The following NT5DC3 variants were observed in gnomAD, a reference collection of about 807,000 sequenced individuals.
The protein encoded by NT5DC3 is 5'-nucleotidase domain-containing protein 3.
A neutral mutation model predicts 67.8 loss-of-function variants in NT5DC3; 42 were observed. The ratio of observed to expected loss-of-function variants is 0.62; its 90% CI spans 0.48 to 0.80. NT5DC3 has a LOEUF of 0.80. Among genes scored for constraint, NT5DC3 ranks in the 30% least tolerant of loss-of-function variants. The pLI is 0.00. For synonymous variants in NT5DC3, 237 were observed against 255.6 expected (o/e 0.93, Z 0.69); for missense variants, 570 against 696.4 (o/e 0.82, Z 2.04).
chr12:103,840,412 T>C (rs1888349946), intron 1 of NT5DC3, among the ~76,000 whole-genome samples: 1 of 146,240 alleles, frequency 6.8e-6, no homozygotes, highest in African/African-American at 2.5e-5. Flanking sequence ...TCTCATCTCA[T>C]CTCATCTCAT....
chr12:103,839,554 T>C (rs1366581665), intron 1 of NT5DC3, among the ~76,000 whole-genome samples: 1 of 152,140 alleles, frequency 6.6e-6, no homozygotes, highest in East Asian at 1.9e-4. Context: ...TATTAATTCT[T>C]AAACTGCATG....
At chr12:103,782,365 C>T (rs1226640317) in intron 12 of NT5DC3, among the ~76,000 whole-genome samples, 1 of 140,520 alleles carries the variant, frequency 7.1e-6, no homozygotes, top group African/African-American at 2.5e-5. Context: ...GAGACTGCCT[C>T]AAAAGAAAAA....
At chr12:103,755,640 T>C in the NT5DC3 span, 10 of 1,614,148 alleles carry the variant, frequency 6.2e-6, no homozygotes, top group Non-Finnish European at 8.5e-6. Flanking sequence ...AGGTGGGCTA[T>C]GTGGGAGATG....
the NT5DC3 span, among the ~76,000 whole-genome samples, chr12:103,746,945 C>CTTTCTTTT: frequency 8.8e-6 from 1 of 113,880 alleles, no homozygotes; most frequent in African/African-American, 3.0e-5. Context: ...GAATGTTTTT[C>CTTTCTTTT]TTTCTTTTTT....
In NT5DC3 at chr12:103,793,422, G is replaced by A. The variant is rs1886155483; in HGVS notation, c.905C>T (p.Pro302Leu). 1 of 1,613,780 alleles carries A rather than the reference G, an allele frequency of 6.2e-7. No individual in the cohort carries two copies. The highest frequency in any genetic ancestry group is 1.7e-5 in the Admixed American group (1 of 60,002). The change falls in exon 8 of 14, where the codon CCC becomes CTC. Residue 302 changes from proline to leucine, a missense_variant. Physicochemically the swap from Pro to Leu is moderately conservative, Grantham distance 98. This residue lies in a region of NT5DC3 where 466 missense variants were observed against 608.0 expected (regional missense o/e 0.77). Transcript: ENST00000392876. ...CAGAGCAACTTACACAAAGCTACTG[G>A]GGCTATTGGTGATGAGAAACATCTT... is the stretch of plus-strand genomic sequence containing the variant. ...GKKMFLITNS[P>L]SSFVDKGMSY...
In NT5DC3 at chr12:103,787,460, T is replaced by C. The variant is rs1007950864; in HGVS notation, c.1169A>G (p.His390Arg). The C allele has an allele frequency of 1.2e-6, 2 of 1,602,386 alleles. No homozygotes were observed. Among genetic ancestry groups the C allele is most frequent in the Non-Finnish European group, 1.7e-6 (2 of 1,172,964 alleles). Residue 390 changes from histidine (H) to arginine (R), a missense_variant, in exon 11 of 14, where the codon CAT (histidine) becomes CGT (arginine). Coordinates refer to ENST00000392876, the MANE Select transcript of NT5DC3 (RefSeq NM_001031701.3). ...CCTCACCGCCAGGTCACTGTATATA[T>C]GGTCACCAAAATACAACACTCTGGA... ...RGSRVLYFGD[H>R]IYSDLADLTL...
At chr12:103,825,361 T>C (rs1887648002) in intron 1 of NT5DC3, among the ~76,000 whole-genome samples, 1 of 152,134 alleles carries the variant, frequency 6.6e-6, no homozygotes, top group Non-Finnish European at 1.5e-5. Flanking sequence ...TAAAACTACA[T>C]ACAACTACAT....
chr12:103,774,737 CAG>C lies in NT5DC3; in HGVS notation c.*3090_*3091del, dbSNP rs1400992087. 2.8e-5 allele frequency: 4 copies of C among 144,950 alleles called. No homozygotes were observed. Among genetic ancestry groups the C allele is most frequent in the African/African-American group, 1.0e-4 (4 of 38,786 alleles). 9.0% of individuals were successfully genotyped at this position (144,950 alleles called of 1,614,324 possible). A position where few individuals can be genotyped will look rare whatever the true frequency, so the allele number is the denominator to read the frequency against. Reference sequence around the variant, plus strand: ...AGAGTCATGACGAGGCCAGGCATGACAGTGGCTCACACCCAGAATCCCAGCAC... The same window carrying C: ...AGAGTCATGACGAGGCCAGGCATGACTGGCTCACACCCAGAATCCCAGCAC... On this transcript the variant is annotated 3_prime_UTR_variant, in exon 14 of 14. Coordinates refer to ENST00000392876, the MANE Select transcript of NT5DC3 (RefSeq NM_001031701.3).
At chr12:103,829,955 T>G (rs549816915) in intron 1 of NT5DC3, among the ~76,000 whole-genome samples, 49 of 152,312 alleles carry the variant, frequency 3.2e-4, no homozygotes, top group South Asian at 1.7e-3. Flanking sequence ...TAAATTGACA[T>G]TTTTCTCTCA....
At chr12:103,807,478 G>A (rs1057222003) in intron 2 of NT5DC3, among the ~76,000 whole-genome samples, 10 of 152,178 alleles carry the variant, frequency 6.6e-5, no homozygotes, top group Admixed American at 4.6e-4. Context: ...AAACTTCTCA[G>A]AGTGGAGCCT....
intron 12 of NT5DC3, among the ~76,000 whole-genome samples, chr12:103,781,008 C>T (rs756741083): frequency 4.6e-5 from 7 of 151,974 alleles, no homozygotes; most frequent in Non-Finnish European, 1.0e-4. Flanking sequence ...GGCAAGAAGG[C>T]AAATCACCTC....
At chr12:103,766,388 C>A, downstream of NT5DC3, 1 of 1,564,290 alleles carries the variant, frequency 6.4e-7, no homozygotes, top group Non-Finnish European at 8.7e-7. Flanking sequence ...GGGCCATCAA[C>A]TGTGAATTCT....
intron 2 of NT5DC3, 100 bp from the exon 3 acceptor site, chr12:103,807,029 C>G (rs1886829481): frequency 7.1e-6 from 5 of 706,704 alleles, no homozygotes; most frequent in Non-Finnish European, 1.3e-5. Flanking sequence ...AGTTGATACA[C>G]CAGTGGGAGG....
intron 4 of NT5DC3, among the ~76,000 whole-genome samples, chr12:103,799,925 G>A (rs1886494350): frequency 6.6e-6 from 1 of 152,058 alleles, no homozygotes; most frequent in South Asian, 2.1e-4. Flanking sequence ...AGCGTCAGGA[G>A]GGGAAACACC....
rs138694343 is a variant in NT5DC3, at chr12:103,773,878, A to G, written c.*3951T>C. The G allele has an allele frequency of 4.5e-4, 69 of 152,788 alleles. No individual in the cohort carries two copies. The highest frequency in any genetic ancestry group is 1.3e-4 in the Non-Finnish European group (9 of 68,038). 9.5% of individuals were successfully genotyped at this position (152,788 alleles called of 1,614,324 possible). A position where few individuals can be genotyped will look rare whatever the true frequency, so the allele number is the denominator to read the frequency against. The stretch of plus-strand genomic sequence containing the variant: ...TCCTTTGCAATAATTAAGAGTGCCA[A>G]TGCATTCAAAGCAACTAGTAATTGT... On this transcript the variant is annotated 3_prime_UTR_variant, in exon 14 of 14. Transcript: ENST00000392876.
chr12:103,816,693 G>T (rs1046373019), intron 1 of NT5DC3, among the ~76,000 whole-genome samples: 2 of 152,146 alleles, frequency 1.3e-5, no homozygotes, highest in Non-Finnish European at 2.9e-5. Flanking sequence ...TGTGATAGAG[G>T]ATGTTGGTGA....
chr12:103,755,402 T>C, the NT5DC3 span: 1 of 1,614,126 alleles, frequency 6.2e-7, no homozygotes, highest in Middle Eastern at 1.6e-4. Context: ...GTGGTTGGGA[T>C]AGTGGACTAT....
At chr12:103,761,842 C>G in the NT5DC3 span, among the ~76,000 whole-genome samples, 1 of 152,162 alleles carries the variant, frequency 6.6e-6, no homozygotes, top group African/African-American at 2.4e-5. Context: ...GCCCCTGACA[C>G]ACAGTACATG....
At chr12:103,760,162 T>C in the NT5DC3 span, among the ~76,000 whole-genome samples, 1 of 152,172 alleles carries the variant, frequency 6.6e-6, no homozygotes, top group South Asian at 2.1e-4. Context: ...TTACCTGCTT[T>C]TAGGGAGACA....
Sources: allele counts gnomAD v4.1 joint callset (sites outside exome capture counted in the v4.1 genomes callset), GRCh38; gene constraint gnomAD v4.1.1; regional missense constraint gnomAD v4.1.1; transcripts MANE v1.5; gene names NCBI Gene and HGNC (gene_info 2026-07-23, HGNC 2026-07-21).